KCTD10: variants seen among roughly 807,000 people sequenced by gnomAD.
KCTD10 encodes the protein BTB/POZ domain-containing adapter for CUL3-mediated RhoA degradation protein 3.
KCTD10 carries 13 observed loss-of-function variants against 34.6 expected under a neutral mutation model. The ratio of observed to expected loss-of-function variants is 0.38; its 90% CI spans 0.24 to 0.60. The LOEUF is 0.60. Among genes scored for constraint, KCTD10 ranks in the 20% least tolerant of loss-of-function variants. The pLI is 0.66. For missense variants in KCTD10, 256 were observed against 420.3 expected (o/e 0.61, Z 3.42); for synonymous variants, 156 against 168.8 (o/e 0.92, Z 0.59).
intron 2 of KCTD10, among the ~76,000 whole-genome samples, chr12:109,467,448 C>T (rs1399256186): frequency 2.0e-5 from 3 of 152,068 alleles, no homozygotes; most frequent in Admixed American, 6.5e-5. Flanking sequence ...AGTGAGGCCC[C>T]ATCTCCAGAA....
At chr12:109,471,224 G>C in intron 1 of KCTD10, 1 of 985,364 alleles carries the variant, frequency 1.0e-6, no homozygotes, top group Non-Finnish European at 1.2e-6. Context: ...TTTGTAAATG[G>C]GACTGGGAGT....
chr12:109,463,336 A>G (rs1873432024), intron 2 of KCTD10, among the ~76,000 whole-genome samples: 1 of 152,186 alleles, frequency 6.6e-6, no homozygotes, highest in Admixed American at 6.5e-5. Flanking sequence ...CGAAAGAATC[A>G]TACTTTGGAC....
intron 6 of KCTD10, among the ~76,000 whole-genome samples, chr12:109,453,433 A>G (rs117836348): frequency 0.055 from 8,335 of 152,230 alleles, 311 homozygotes; most frequent in Non-Finnish European, 0.086. Context: ...GACTCAAGCA[A>G]TCCTTCTGCT....
intron 3 of KCTD10, chr12:109,458,360 T>C (rs7313797): frequency 0.48 from 155,360 of 323,464 alleles, 39,668 homozygotes; most frequent in African/African-American, 0.72. Flanking sequence ...AATAAACCCT[T>C]GACGTGGCAG....
chr12:109,468,614 G>C (rs1325935541), intron 2 of KCTD10, among the ~76,000 whole-genome samples: 1 of 151,468 alleles, frequency 6.6e-6, no homozygotes, highest in Non-Finnish European at 1.5e-5. Context: ...AGGTGAGTAG[G>C]AAGTAGTTAT....
chr12:109,460,553 C>T lies in KCTD10; in HGVS notation c.387+83G>A. On this transcript the variant is annotated intron_variant, in intron 3 of 6. Coordinates refer to ENST00000228495, the MANE Select transcript of KCTD10 (RefSeq NM_031954.5). The surrounding 1 kb of genome is among the most constrained non-coding windows in gnomAD (Gnocchi z 4.5). ...ACATCTCAGTCAGACAGAAACTGCCCCCATTTTGCAGAGAGGGAAAATGAG... is the reference window on the plus strand; with the variant it reads ...ACATCTCAGTCAGACAGAAACTGCCTCCATTTTGCAGAGAGGGAAAATGAG... 2 of 1,408,692 alleles carry T rather than the reference C, an allele frequency of 1.4e-6. No homozygotes were observed. The highest frequency in any genetic ancestry group is 2.0e-6 in the Non-Finnish European group (2 of 1,022,184). The allele number at this position is 1,408,692 out of a possible 1,614,324, so 87.3% of individuals were successfully genotyped here.
chr12:109,452,008 G>C (rs1248399594), intron 6 of KCTD10, among the ~76,000 whole-genome samples, 195 bp from the exon 7 acceptor site: 3 of 152,192 alleles, frequency 2.0e-5, no homozygotes, highest in African/African-American at 7.2e-5. Context: ...AAATCAAGGG[G>C]ATGCAGAGAA....
rs1872703245 is a variant in KCTD10, at chr12:109,450,272, C to T, written c.*1323G>A. On this transcript the variant is annotated 3_prime_UTR_variant, in exon 7 of 7. Coordinates refer to ENST00000228495, the MANE Select transcript of KCTD10 (RefSeq NM_031954.5). ...GTCACGACTCACTCCTGTTCCTTTGCAGGTGCAGAGGAGCCTGGGAGGTAG... is the reference window on the plus strand; with the variant it reads ...GTCACGACTCACTCCTGTTCCTTTGTAGGTGCAGAGGAGCCTGGGAGGTAG... 5.0e-6 allele frequency: 2 copies of T among 398,698 alleles called. No homozygotes were observed. The highest frequency in any genetic ancestry group is 7.1e-5 in the East Asian group (2 of 28,066). The allele number at this position is 398,698 out of a possible 1,614,324, so 24.7% of individuals were successfully genotyped here.
At position 109,453,383 on chromosome 12, in the gene KCTD10, G is replaced by C. The variant is rs555209869; in HGVS notation, c.724-1570C>G. Reference sequence around the variant, plus strand: ...TTTTAAAAAATTTTTGGTAGAGACAGGGGTGTTGCTATGTTGCCCAGGCTG... The same window carrying C: ...TTTTAAAAAATTTTTGGTAGAGACACGGGTGTTGCTATGTTGCCCAGGCTG... On this transcript the variant is annotated intron_variant, in intron 6 of 6. Transcript: ENST00000228495. Among the ~76,000 whole-genome samples the C allele has an allele frequency of 2.8e-4, 42 of 151,968 alleles. 1 individual carries two copies. The highest frequency in any genetic ancestry group is 9.7e-4 in the African/African-American group (40 of 41,446).
intron 1 of KCTD10, among the ~76,000 whole-genome samples, chr12:109,472,149 T>A (rs916419291): frequency 6.6e-6 from 1 of 152,248 alleles, no homozygotes; most frequent in African/African-American, 2.4e-5. Flanking sequence ...TTGCTTACTG[T>A]AACTTTTTAC....
chr12:109,457,620 G>T lies in KCTD10; in HGVS notation c.527+10C>A. On this transcript the variant is annotated intron_variant, in intron 5 of 6. Coordinates refer to ENST00000228495, the MANE Select transcript of KCTD10 (RefSeq NM_031954.5). The stretch of plus-strand genomic sequence containing the variant: ...GTAAATGGAGCTGTCTTTCCCGGCT[G>T]ACGCCTTACCTGGTATATGAGTATT... The T allele has an allele frequency of 6.2e-7, 1 of 1,613,718 alleles. No homozygotes were observed. Among genetic ancestry groups the T allele is most frequent in the South Asian group, 1.1e-5 (1 of 91,066 alleles).
Position 109,451,953 on chromosome 12 carries a change from G to C in KCTD10, c.724-140C>G. On this transcript the variant is annotated intron_variant, in intron 6 of 6. Transcript: ENST00000228495. This position sits in a 1 kb window ranked among gnomAD's most constrained non-coding sequence, Gnocchi z 5.0. ...CACCAGTATTATTTTTAAATAAACT[G>C]ATATTTTCAATGGCAACACTTACAT... 1.6e-6 allele frequency: 1 copy of C among 633,558 alleles called. No homozygotes were observed. Among genetic ancestry groups the C allele is most frequent in the South Asian group, 2.8e-5 (1 of 35,368 alleles). The allele number at this position is 633,558 out of a possible 1,614,324, so 39.2% of individuals were successfully genotyped here.
In KCTD10 at chr12:109,460,743, C is replaced by T. The variant is rs775382432; in HGVS notation, c.280G>A (p.Gly94Arg). ...FGTILNYLRDGAVPLPESRRE... is the reference protein window; with the variant it reads ...FGTILNYLRDRAVPLPESRRE... ...CGGCTCTCGGGTAAAGGCACCGCCC[C>T]GTCTCGAAGGTAGTTGAGTATCGTA... The change falls in exon 3 of 7, where the codon GGG becomes AGG. Residue 94 changes from glycine to arginine, a missense_variant. Physicochemically the swap from Gly to Arg is moderately radical, Grantham distance 125. Around this residue, in one of 3 missense-constraint regions of KCTD10, gnomAD observed 155 missense variants for 207.0 expected, o/e 0.75. Transcript: ENST00000228495. The surrounding 1 kb of genome is among the most constrained non-coding windows in gnomAD (Gnocchi z 4.5). The T allele has an allele frequency of 3.7e-6, 6 of 1,614,158 alleles. No homozygotes were observed. The highest frequency in any genetic ancestry group is 1.7e-5 in the Admixed American group (1 of 60,032).
At chr12:109,462,230 GT>G (rs940409044) in intron 2 of KCTD10, among the ~76,000 whole-genome samples, 134 of 152,362 alleles carry the variant, frequency 8.8e-4, no homozygotes, top group African/African-American at 3.0e-3. Flanking sequence ...TGCCAGGAAA[GT>G]TTGATAACAG....
chr12:109,475,377 T>C (rs1032694952), intron 1 of KCTD10, among the ~76,000 whole-genome samples: 7 of 152,116 alleles, frequency 4.6e-5, no homozygotes, highest in African/African-American at 1.4e-4. Flanking sequence ...CTCGGGAGAC[T>C]GCGGTGGGAG....
At chr12:109,473,146 C>T (rs1002330643) in intron 1 of KCTD10, among the ~76,000 whole-genome samples, 2 of 152,184 alleles carry the variant, frequency 1.3e-5, no homozygotes, top group Non-Finnish European at 2.9e-5. Flanking sequence ...GAGTCAGTGA[C>T]GGGGCCAGTG....
intron 2 of KCTD10, chr12:109,464,865 C>A (rs1332578533): frequency 4.4e-6 from 2 of 456,000 alleles, no homozygotes; most frequent in Non-Finnish European, 8.8e-6. Context: ...GTTGCCATAA[C>A]CACTCCAGAA....
chr12:109,450,172 C>T lies in KCTD10; in HGVS notation c.*1423G>A. On this transcript the variant is annotated 3_prime_UTR_variant, in exon 7 of 7. Transcript: ENST00000228495. Reference sequence around the variant, plus strand: ...AAACGGTAACGATTCCCTTGACAAACCCATCCATCACCTGACGCACATTCA... The same window carrying T: ...AAACGGTAACGATTCCCTTGACAAATCCATCCATCACCTGACGCACATTCA... 2.5e-6 allele frequency: 1 copy of T among 398,446 alleles called. No homozygotes were observed. The highest frequency in any genetic ancestry group is 4.4e-6 in the Non-Finnish European group (1 of 226,002). 24.7% of individuals were successfully genotyped at this position (398,446 alleles called of 1,614,324 possible).
rs1286643747 is a variant in KCTD10 at position 109,449,016 on chromosome 12, A to AC, written c.*2578_*2579insG. 3 of 152,014 alleles carry AC rather than the reference A, an allele frequency of 2.0e-5. No homozygotes were observed. Among genetic ancestry groups the AC allele is most frequent in the African/African-American group, 7.3e-5 (3 of 41,272 alleles). The allele number at this position is 152,014 out of a possible 1,614,324, so 9.4% of individuals were successfully genotyped here. On this transcript the variant is annotated 3_prime_UTR_variant, in exon 7 of 7. Coordinates refer to ENST00000228495, the MANE Select transcript of KCTD10 (RefSeq NM_031954.5). ...TGGCTTATTTGAAACAAACAAACAAAAAAAACCCTTGATTACGACACACCA... is the reference window on the plus strand; with the variant it reads ...TGGCTTATTTGAAACAAACAAACAAACAAAAACCCTTGATTACGACACACCA...
Sources: gnomAD v4.1 joint callset for allele counts (sites outside exome capture counted in the v4.1 genomes callset) on GRCh38, gnomAD v4.1.1 for gene constraint, gnomAD v4.1.1 regional missense constraint, Gnocchi (gnomAD v3.1) non-coding constraint, MANE v1.5 for transcripts, NCBI Gene and HGNC (gene_info 2026-07-23, HGNC 2026-07-21) for gene names.